Variants in ZNF431 observed in about 807,000 individuals in gnomAD.
The protein encoded by ZNF431 is zinc finger protein 431.
Under a neutral mutation model 57.0 loss-of-function variants are expected in ZNF431, and 34 were observed. That is an observed-to-expected ratio of 0.60 (90% CI 0.45 to 0.79). ZNF431 has a LOEUF of 0.79. Among genes scored for constraint, ZNF431 ranks in the 30% least tolerant of loss-of-function variants. ZNF431 has a pLI of 0.00. For synonymous variants in ZNF431, 207 were observed against 220.3 expected (o/e 0.94, Z 0.54); for missense variants, 607 against 667.1 (o/e 0.91, Z 0.99).
At chr19:21,150,051 T>C (rs1305930467) in intron 2 of ZNF431, 3 of 612,350 alleles carry the variant, frequency 4.9e-6, no homozygotes, top group African/African-American at 3.7e-5. Context: ...ACACGTGGTC[T>C]CTTAATAAGG....
At chr19:21,162,972 A>G (rs1240911044) in intron 2 of ZNF431, among the ~76,000 whole-genome samples, 2 of 152,222 alleles carry the variant, frequency 1.3e-5, no homozygotes, top group Non-Finnish European at 1.5e-5. Flanking sequence ...ATCTGTCTAT[A>G]TTTAGCTTTT....
chr19:21,159,536 G>A (rs1041391211), intron 2 of ZNF431, among the ~76,000 whole-genome samples: 3 of 151,880 alleles, frequency 2.0e-5, no homozygotes, highest in Non-Finnish European at 4.4e-5. Context: ...CCACACCCAG[G>A]TAATTTTTGT....
chr19:21,154,477 CAT>C (rs1970365319), intron 2 of ZNF431, among the ~76,000 whole-genome samples: 1 of 152,014 alleles, frequency 6.6e-6, no homozygotes, highest in Non-Finnish European at 1.5e-5. Flanking sequence ...CTGCAATAAA[CAT>C]ATGTGTGCAT....
At chr19:21,155,103 T>G (rs935848294) in intron 2 of ZNF431, among the ~76,000 whole-genome samples, 1 of 152,208 alleles carries the variant, frequency 6.6e-6, no homozygotes, top group African/African-American at 2.4e-5. Flanking sequence ...CCCATGCCTA[T>G]GTCCTGAATG....
At chr19:21,173,134 T>A (rs972583079) in intron 4 of ZNF431, among the ~76,000 whole-genome samples, 4 of 152,230 alleles carry the variant, frequency 2.6e-5, no homozygotes, top group African/African-American at 7.2e-5. Context: ...GATCTTTGAT[T>A]TCTGTGATAT....
At chr19:21,165,432 G>C (rs1312265540) in intron 2 of ZNF431, among the ~76,000 whole-genome samples, 1 of 152,140 alleles carries the variant, frequency 6.6e-6, no homozygotes, top group African/African-American at 2.4e-5. Context: ...CTTGACCTTT[G>C]CATAAAACTG....
At chr19:21,165,340 T>C (rs1280732530) in intron 2 of ZNF431, among the ~76,000 whole-genome samples, 1 of 152,092 alleles carries the variant, frequency 6.6e-6, no homozygotes, top group Non-Finnish European at 1.5e-5. Flanking sequence ...TGTGAAAAAA[T>C]TATTAAGAGA....
rs528283752 is a variant in ZNF431, at chr19:21,195,398, C to G, written c.*11364C>G. 3.9e-5 allele frequency: 6 copies of G among 151,994 alleles called. No individual in the cohort carries two copies. The highest frequency in any genetic ancestry group is 5.9e-5 in the Non-Finnish European group (4 of 68,014). The allele number at this position is 151,994 out of a possible 1,614,324, so 9.4% of individuals were successfully genotyped here. A position where few individuals can be genotyped will look rare whatever the true frequency, so the allele number is the denominator to read the frequency against. On this transcript the variant is annotated 3_prime_UTR_variant, in exon 5 of 5. Transcript: ENST00000311048. The stretch of plus-strand genomic sequence containing the variant: ...CCATTAAAAGGAACTTCTAAAGCTC[C>G]GAAGTGGTCAACAGTTTCACTTCCA...
At chr19:21,171,935 T>A (rs1486056505) in intron 4 of ZNF431, among the ~76,000 whole-genome samples, 1 of 151,164 alleles carries the variant, frequency 6.6e-6, no homozygotes, top group Non-Finnish European at 1.5e-5. Context: ...TTAGCCAGGA[T>A]GGTCTCAATC....
intron 2 of ZNF431, among the ~76,000 whole-genome samples, chr19:21,148,751 T>G (rs1421656266): frequency 6.6e-6 from 1 of 152,338 alleles, no homozygotes; most frequent in African/African-American, 2.4e-5. Context: ...TTACTTTTGA[T>G]GAAAACCTTG....
At chr19:21,163,749 A>G (rs1404901419) in intron 2 of ZNF431, among the ~76,000 whole-genome samples, 1 of 151,896 alleles carries the variant, frequency 6.6e-6, no homozygotes, top group East Asian at 1.9e-4. Flanking sequence ...TGAACTCCAG[A>G]CCTCAGGTGA....
intron 4 of ZNF431, among the ~76,000 whole-genome samples, chr19:21,170,116 C>G (rs1251958810): frequency 6.6e-6 from 1 of 150,646 alleles, no homozygotes; most frequent in Non-Finnish European, 1.5e-5. Flanking sequence ...ACTCCTCAAT[C>G]TTGGGCTTTA....
intron 2 of ZNF431, among the ~76,000 whole-genome samples, chr19:21,151,438 A>G (rs905975626): frequency 6.6e-6 from 1 of 152,226 alleles, no homozygotes; most frequent in Admixed American, 6.5e-5. Flanking sequence ...TGGCTTTTGA[A>G]TTTTACCAAA....
At chr19:21,171,159 T>G (rs1970876576) in intron 4 of ZNF431, among the ~76,000 whole-genome samples, 1 of 152,226 alleles carries the variant, frequency 6.6e-6, no homozygotes, top group South Asian at 2.1e-4. Context: ...TTTTACATGC[T>G]TATTTAAAAA....
intron 4 of ZNF431, among the ~76,000 whole-genome samples, chr19:21,173,046 G>T (rs1970951695): frequency 1.3e-5 from 2 of 152,100 alleles, no homozygotes; most frequent in Non-Finnish European, 2.9e-5. Flanking sequence ...TATTTCAAGT[G>T]ACATAATATT....
intron 2 of ZNF431, among the ~76,000 whole-genome samples, chr19:21,146,574 A>G (rs1332897434): frequency 6.6e-6 from 1 of 152,216 alleles, no homozygotes; most frequent in Non-Finnish European, 1.5e-5. Context: ...ATTTTAGACA[A>G]TATAGGATAG....
At chr19:21,166,245 T>C in intron 2 of ZNF431, 90 bp from the exon 3 acceptor site, 7 of 1,527,838 alleles carry the variant, frequency 4.6e-6, no homozygotes, top group Non-Finnish European at 6.1e-6. Flanking sequence ...CAGTTCTCTT[T>C]ACTCTCTCAA....
At position 21,183,076 on chromosome 19, in the gene ZNF431, A is replaced by G; in HGVS notation, c.773A>G (p.Lys258Arg). The G allele has an allele frequency of 6.2e-7, 1 of 1,614,098 alleles. No homozygotes were observed. Among genetic ancestry groups the G allele is most frequent in the East Asian group, 2.2e-5 (1 of 44,866 alleles). The change falls in exon 5 of 5, where the codon AAA (lysine) becomes AGA (arginine). Residue 258 changes from lysine to arginine, a missense_variant. Lys to Arg is a conservative substitution (Grantham distance 26). Coordinates refer to ENST00000311048, the MANE Select transcript of ZNF431 (RefSeq NM_133473.4). ...CACAAGAGAATTCATACTGGAGAGA[A>G]ACCCTTCAAATGTGAAGAATGTGGC... ...TRHKRIHTGE[K>R]PFKCEECGKA...
In ZNF431 at chr19:21,184,014, A is replaced by C; in HGVS notation, c.1711A>C (p.Arg571=). 1 of 1,571,594 alleles carries C rather than the reference A, an allele frequency of 6.4e-7. No individual in the cohort carries two copies. The highest frequency in any genetic ancestry group is 8.6e-7 in the Non-Finnish European group (1 of 1,164,062). The change falls in exon 5 of 5, where the codon AGA becomes CGA. Residue 571 remains arginine (R), a synonymous_variant. Transcript: ENST00000311048. The stretch of plus-strand genomic sequence containing the variant: ...CTGGAGAGAAACTCTACAAATGTCA[A>C]GAATGTGGGAAAGCCTTTAAGCAGT... ...SYWRETLQMS[R]MWESL is the part of the protein sequence containing the mutation.
Sources: allele counts gnomAD v4.1 joint callset (sites outside exome capture counted in the v4.1 genomes callset), GRCh38; gene constraint gnomAD v4.1.1; transcripts MANE v1.5; gene names NCBI Gene and HGNC (gene_info 2026-07-23, HGNC 2026-07-21).